Variants in ALK observed in about 807,000 individuals in gnomAD.
ALK encodes the protein ALK tyrosine kinase receptor.
In ALK, 74 loss-of-function variants were observed where a neutral mutation model predicts 163.1. The observed-to-expected ratio is 0.45, with a 90% CI of 0.38 to 0.55. The LOEUF (loss-of-function observed/expected upper bound fraction) is 0.55. ALK is among the 20% of genes least tolerant of loss of function. The pLI is 0.00. For missense variants in ALK, 2,063 were observed against 2,105.3 expected (o/e 0.98, Z 0.39); for synonymous variants, 960 against 843.2 (o/e 1.14, Z -2.40).
intron 3 of ALK, among the ~76,000 whole-genome samples, chr2:29,558,551 T>C (rs898670815): frequency 1.4e-4 from 21 of 152,066 alleles, no homozygotes; most frequent in African/African-American, 5.1e-4. Context: ...CACCCCTCCC[T>C]ACCCTCTCTG....
At chr2:29,420,949 C>T (rs1203268299) in intron 4 of ALK, among the ~76,000 whole-genome samples, 1 of 151,490 alleles carries the variant, frequency 6.6e-6, no homozygotes, top group African/African-American at 2.5e-5. Flanking sequence ...TCGGGGAGGT[C>T]GCATGTTCTC....
intron 5 of ALK, among the ~76,000 whole-genome samples, chr2:29,377,000 C>T (rs12621597): frequency 0.1 from 15,831 of 152,240 alleles, 973 homozygotes; most frequent in East Asian, 0.24. Flanking sequence ...ACATATCCAG[C>T]ACCTCAAAGC....
At chr2:29,260,594 T>C (rs1210470162) in intron 11 of ALK, among the ~76,000 whole-genome samples, 1 of 152,162 alleles carries the variant, frequency 6.6e-6, no homozygotes, top group Non-Finnish European at 1.5e-5. Flanking sequence ...CCCAGCACTT[T>C]GGGAGGCTGA....
Position 29,227,681 on chromosome 2 carries a change from C to T in ALK, c.2816-9G>A, listed in dbSNP as rs200463420. The stretch of plus-strand genomic sequence containing the variant: ...TGAGGCTGCATTGCCGCCTGAGTAG[C>T]AAACCAGAGCAGAGTTTAACATGGG... On this transcript the variant is annotated splice_polypyrimidine_tract_variant and intron_variant, in intron 16 of 28. Coordinates refer to ENST00000389048, the MANE Select transcript of ALK (RefSeq NM_004304.5). The surrounding 1 kb of genome is among the most constrained non-coding windows in gnomAD (Gnocchi z 4.4). 9 of 1,611,422 alleles carry T rather than the reference C, an allele frequency of 5.6e-6. No homozygotes were observed. The highest frequency in any genetic ancestry group is 1.7e-5 in the Admixed American group (1 of 60,002).
At chr2:29,752,026 A>G (rs1163919589) in intron 1 of ALK, among the ~76,000 whole-genome samples, 4 of 152,208 alleles carry the variant, frequency 2.6e-5, no homozygotes, top group Admixed American at 1.3e-4. Flanking sequence ...CAAAGCTAAC[A>G]TCATCTAACC....
At chr2:29,816,695 A>G (rs1018908012) in intron 1 of ALK, among the ~76,000 whole-genome samples, 3 of 152,182 alleles carry the variant, frequency 2.0e-5, no homozygotes, top group African/African-American at 7.2e-5. Flanking sequence ...AGCCAGCTCC[A>G]CACCACCTGG....
chr2:29,241,941 A>G (rs551764742), intron 12 of ALK, among the ~76,000 whole-genome samples: 86 of 152,180 alleles, frequency 5.7e-4, no homozygotes, highest in African/African-American at 1.3e-3. Flanking sequence ...TTCCTCCCCA[A>G]TGTGCTGCTG....
At chr2:29,811,578 C>T (rs931759363) in intron 1 of ALK, among the ~76,000 whole-genome samples, 2 of 152,158 alleles carry the variant, frequency 1.3e-5, no homozygotes, top group East Asian at 1.9e-4. Context: ...TAACTCATTG[C>T]TTCACACAGG....
At chr2:29,361,313 C>T (rs1227216113) in intron 5 of ALK, among the ~76,000 whole-genome samples, 1 of 152,200 alleles carries the variant, frequency 6.6e-6, no homozygotes, top group Non-Finnish European at 1.5e-5. Context: ...TGTTTCCCCT[C>T]GTCTCTGCTA....
intron 3 of ALK, among the ~76,000 whole-genome samples, chr2:29,540,313 T>G (rs1023484312): frequency 1.3e-5 from 2 of 152,154 alleles, no homozygotes; most frequent in African/African-American, 4.8e-5. Flanking sequence ...TCACCCAATT[T>G]GTACAGGTAT....
At chr2:29,763,056 G>A (rs1003009227) in intron 1 of ALK, among the ~76,000 whole-genome samples, 4 of 144,316 alleles carry the variant, frequency 2.8e-5, no homozygotes, top group African/African-American at 7.8e-5. Flanking sequence ...CACTGCACTC[G>A]AGCCTAGGCG....
intron 1 of ALK, among the ~76,000 whole-genome samples, chr2:29,753,116 G>T (rs1243230407): frequency 6.6e-6 from 1 of 152,212 alleles, no homozygotes; most frequent in South Asian, 2.1e-4. Context: ...AGAAGGAGAA[G>T]AAAATAGGTG....
At chr2:29,795,236 C>T (rs1329533196) in intron 1 of ALK, among the ~76,000 whole-genome samples, 2 of 152,018 alleles carry the variant, frequency 1.3e-5, no homozygotes, top group East Asian at 1.9e-4. Context: ...TGTTCAGCCT[C>T]GCTGGTAAGC....
At chr2:29,787,440 C>G (rs1460835064) in intron 1 of ALK, among the ~76,000 whole-genome samples, 1 of 152,234 alleles carries the variant, frequency 6.6e-6, no homozygotes, top group African/African-American at 2.4e-5. Flanking sequence ...AATGTATACA[C>G]TGGCACCAAA....
chr2:29,338,194 G>C (rs1244200167), intron 5 of ALK, among the ~76,000 whole-genome samples: 2 of 152,298 alleles, frequency 1.3e-5, no homozygotes, highest in South Asian at 4.1e-4. Context: ...GGCTCTGTTA[G>C]ATCCTTGCAG....
At chr2:29,453,152 C>T (rs1368394464) in intron 4 of ALK, among the ~76,000 whole-genome samples, 1 of 152,114 alleles carries the variant, frequency 6.6e-6, no homozygotes, top group African/African-American at 2.4e-5. Flanking sequence ...AAGATGTTGG[C>T]ATAAGGTGAA....
intron 4 of ALK, among the ~76,000 whole-genome samples, chr2:29,488,450 CTAGTTCAGGG>C (rs1671828375): frequency 6.6e-6 from 1 of 152,090 alleles, no homozygotes; most frequent in South Asian, 2.1e-4. Flanking sequence ...CAGAACAGCG[CTAGTTCAGGG>C]TATGTCAAGC....
chr2:29,578,397 G>A (rs911466866), intron 3 of ALK, among the ~76,000 whole-genome samples: 1 of 152,218 alleles, frequency 6.6e-6, no homozygotes, highest in Non-Finnish European at 1.5e-5. Context: ...GGGAGAGGTT[G>A]CAGGGTATGG....
chr2:29,649,902 T>A (rs1374914331), intron 3 of ALK, among the ~76,000 whole-genome samples: 1 of 152,182 alleles, frequency 6.6e-6, no homozygotes, highest in Admixed American at 6.6e-5. Flanking sequence ...CCCTAATATC[T>A]TTTCATGAAC....
Sources: gnomAD v4.1 joint callset for allele counts (sites outside exome capture counted in the v4.1 genomes callset) on GRCh38, gnomAD v4.1.1 for gene constraint, Gnocchi (gnomAD v3.1) non-coding constraint, MANE v1.5 for transcripts, NCBI Gene and HGNC (gene_info 2026-07-23, HGNC 2026-07-21) for gene names.